The following C16orf96 variants were observed in gnomAD, a reference collection of about 807,000 sequenced individuals.
The protein encoded by C16orf96 is uncharacterized protein C16orf96.
In C16orf96, 108 loss-of-function variants were observed where a neutral mutation model predicts 103.6. The ratio of observed to expected loss-of-function variants is 1.04; its 90% CI spans 0.89 to 1.22. C16orf96 has a LOEUF of 1.22. Among genes scored for constraint, C16orf96 ranks in the 50% most tolerant of loss-of-function variants. The pLI is 0.00. For synonymous variants in C16orf96, 566 were observed against 593.5 expected (o/e 0.95, Z 0.67); for missense variants, 1,586 against 1,464.2 (o/e 1.08, Z -1.36).
intron 7 of C16orf96, among the ~76,000 whole-genome samples, chr16:4,582,607 G>C (rs1219870773): frequency 6.6e-6 from 1 of 152,088 alleles, no homozygotes; most frequent in Non-Finnish European, 1.5e-5. Context: ...TGCATGCAGG[G>C]GTACGTGCTC....
chr16:4,550,084 TA>T, the C16orf96 span, among the ~76,000 whole-genome samples: 10 of 109,684 alleles, frequency 9.1e-5, no homozygotes, highest in Non-Finnish European at 1.2e-4. Context: ...ACACAGTGGG[TA>T]ATTTTTTTTT....
chr16:4,585,630 G>A (rs1174830450), intron 7 of C16orf96, among the ~76,000 whole-genome samples: 1 of 152,208 alleles, frequency 6.6e-6, no homozygotes, highest in African/African-American at 2.4e-5. Context: ...CCACCTGCTG[G>A]TTGGATCAGT....
upstream of C16orf96, among the ~76,000 whole-genome samples, chr16:4,555,699 T>C (rs2059256478): frequency 7.9e-6 from 1 of 126,136 alleles, no homozygotes; most frequent in African/African-American, 3.3e-5. Flanking sequence ...TTTTCTTTTC[T>C]TTTTTTTTTT....
At chr16:4,590,234 G>A (rs1175965444) in intron 9 of C16orf96, among the ~76,000 whole-genome samples, 3 of 151,844 alleles carry the variant, frequency 2.0e-5, no homozygotes, top group Non-Finnish European at 4.4e-5. Context: ...ACCAATCCTG[G>A]CAACATAGAG....
intron 5 of C16orf96, among the ~76,000 whole-genome samples, chr16:4,578,541 C>T (rs1030930882): frequency 6.6e-6 from 1 of 152,012 alleles, no homozygotes; most frequent in Non-Finnish European, 1.5e-5. Context: ...AGGCGGATCA[C>T]GAGGTCAAGA....
At chr16:4,563,225 T>G in intron 1 of C16orf96, 3 of 544,832 alleles carry the variant, frequency 5.5e-6, no homozygotes, top group Non-Finnish European at 7.0e-6. Context: ...TGGAACACCC[T>G]CTTGCTCGTT....
At chr16:4,591,612 C>T in intron 9 of C16orf96, 54 bp from the exon 10 acceptor site, 1 of 1,401,580 alleles carries the variant, frequency 7.1e-7, no homozygotes, top group Non-Finnish European at 9.9e-7. Flanking sequence ...TGGAAGGAGG[C>T]AGGGTGTGAA....
At chr16:4,576,791 G>A (rs542044443) in intron 5 of C16orf96, among the ~76,000 whole-genome samples, 156 bp downstream of exon 5, 4 of 152,304 alleles carry the variant, frequency 2.6e-5, no homozygotes, top group South Asian at 2.1e-4. Context: ...GGCTCTTAAC[G>A]AGTCTATTCT....
upstream of C16orf96, among the ~76,000 whole-genome samples, chr16:4,553,431 G>A (rs954745838): frequency 1.8e-4 from 27 of 152,132 alleles, no homozygotes; most frequent in Admixed American, 6.6e-4. Context: ...AGGCTGGAGT[G>A]CAGGGGTGTG....
intron 7 of C16orf96, among the ~76,000 whole-genome samples, chr16:4,585,999 C>G (rs927187753): frequency 1.3e-5 from 2 of 152,158 alleles, no homozygotes; most frequent in Non-Finnish European, 2.9e-5. Context: ...GTGGCTCACA[C>G]CTGTAATCCC....
chr16:4,597,667 C>T (rs151227997), intron 14 of C16orf96, among the ~76,000 whole-genome samples: 465 of 152,212 alleles, frequency 3.1e-3, no homozygotes, highest in African/African-American at 0.011. Context: ...AGAAATCCTC[C>T]CTCTTCAGCC....
intron 1 of C16orf96, chr16:4,562,690 C>T: frequency 2.4e-6 from 1 of 422,244 alleles, no homozygotes; most frequent in Non-Finnish European, 4.3e-6. Flanking sequence ...ATTCATCTTA[C>T]AAATTCTTCT....
At chr16:4,591,032 C>CA (rs1376467199) in intron 9 of C16orf96, among the ~76,000 whole-genome samples, 5 of 142,116 alleles carry the variant, frequency 3.5e-5, no homozygotes, top group Admixed American at 7.1e-5. Context: ...AACTCCCTCT[C>CA]AAAAAAAAGC....
At position 4,594,430 on chromosome 16, in the gene C16orf96, G is replaced by T. The variant is rs1370304847; in HGVS notation, c.2947G>T (p.Ala983Ser). ...QQDWGDGPQN[A>S]TSLKCKSCNL... The stretch of plus-strand genomic sequence containing the variant: ...GGACTGGGGTGATGGCCCCCAAAAC[G>T]CCACCAGCCTCAAGTGCAAGTCCTG... Residue 983 changes from alanine (A) to serine (S), a missense_variant, in exon 13 of 16, where the codon GCC (alanine) becomes TCC (serine). By Grantham distance (99) the Ala-to-Ser change is moderately conservative. Transcript: ENST00000444310. 1 of 1,551,268 alleles carries T rather than the reference G, an allele frequency of 6.4e-7. No individual in the cohort carries two copies. Among genetic ancestry groups the T allele is most frequent in the African/African-American group, 1.4e-5 (1 of 73,034 alleles).
At chr16:4,584,487 A>G (rs1450181799) in intron 7 of C16orf96, among the ~76,000 whole-genome samples, 1 of 151,614 alleles carries the variant, frequency 6.6e-6, no homozygotes, top group African/African-American at 2.4e-5. Context: ...AGTTGGGACT[A>G]CAGGCGTGTG....
At chr16:4,544,478 G>A in the C16orf96 span, among the ~76,000 whole-genome samples, 1 of 152,114 alleles carries the variant, frequency 6.6e-6, no homozygotes, top group East Asian at 1.9e-4. Context: ...TGTGGTGCAC[G>A]TGCCTGTGGT....
At chr16:4,540,382 G>C in the C16orf96 span, among the ~76,000 whole-genome samples, 1 of 152,148 alleles carries the variant, frequency 6.6e-6, no homozygotes, top group Admixed American at 6.5e-5. Flanking sequence ...GAGTCAGAAA[G>C]GTGAGGATGT....
In C16orf96 at chr16:4,593,145, C is replaced by A; in HGVS notation, c.2775-79C>A. The stretch of plus-strand genomic sequence containing the variant: ...CTCCTTCCTCCTGCTGGGAAGGCTT[C>A]CTGGAGGGGTGGGAGACGAGCCCTC... On this transcript the variant is annotated intron_variant, in intron 11 of 15. Coordinates refer to ENST00000444310, the MANE Select transcript of C16orf96 (RefSeq NM_001145011.2). The surrounding 1 kb of genome is among the most constrained non-coding windows in gnomAD (Gnocchi z 4.2). 1 of 1,362,858 alleles carries A rather than the reference C, an allele frequency of 7.3e-7. No individual in the cohort carries two copies. The highest frequency in any genetic ancestry group is 1.0e-6 in the Non-Finnish European group (1 of 979,484). The allele number at this position is 1,362,858 out of a possible 1,614,324, so 84.4% of individuals were successfully genotyped here.
the C16orf96 span, among the ~76,000 whole-genome samples, chr16:4,541,665 G>A: frequency 2.0e-5 from 3 of 152,138 alleles, no homozygotes; most frequent in Non-Finnish European, 4.4e-5. Flanking sequence ...TTTTATTGGT[G>A]ATTCTGGTGT....
Sources: allele counts gnomAD v4.1 joint callset (sites outside exome capture counted in the v4.1 genomes callset), GRCh38; gene constraint gnomAD v4.1.1; non-coding constraint Gnocchi (gnomAD v3.1); transcripts MANE v1.5; gene names NCBI Gene and HGNC (gene_info 2026-07-23, HGNC 2026-07-21).